The following AHNAK variants were observed in gnomAD, a reference collection of about 807,000 sequenced individuals.
AHNAK encodes AHNAK nucleoprotein.
Under a neutral mutation model 37.8 loss-of-function variants are expected in AHNAK, and 23 were observed. The observed-to-expected ratio is 0.61, with a 90% confidence interval of 0.44 to 0.86. The LOEUF is 0.86. AHNAK is among the 40% of genes least tolerant of loss of function. The pLI is 0.00. For missense variants in AHNAK, 7,411 were observed against 7,319.4 expected, an observed-to-expected ratio of 1.01 and a Z score of -0.46; for synonymous variants, 2,481 against 2,636.3, an observed-to-expected ratio of 0.94 and a Z score of 1.80.
chr11:62,457,872 CTACGCATG>C (rs1477055310), intron 5 of AHNAK, among the ~76,000 whole-genome samples: 2 of 151,852 alleles, frequency 1.3e-5, no homozygotes, highest in Non-Finnish European at 2.9e-5. Context: ...TGTGACAATC[CTACGCATG>C]TACCTCTGTA....
chr11:62,506,350 A>G (rs1378846359), intron 4 of AHNAK, among the ~76,000 whole-genome samples: 1 of 152,056 alleles, frequency 6.6e-6, no homozygotes, highest in East Asian at 1.9e-4. Flanking sequence ...CATCCCACCC[A>G]GGAGGCCAGG....
At chr11:62,501,136 CAGAAG>C (rs1939704075) in intron 4 of AHNAK, among the ~76,000 whole-genome samples, 1 of 151,578 alleles carries the variant, frequency 6.6e-6, no homozygotes, top group Admixed American at 6.6e-5. Flanking sequence ...TTCTTGAGCC[CAGAAG>C]GTGGAGTGGC....
intron 4 of AHNAK, among the ~76,000 whole-genome samples, chr11:62,534,379 T>C (rs1342064894): frequency 6.6e-6 from 1 of 152,184 alleles, no homozygotes; most frequent in Non-Finnish European, 1.5e-5. Context: ...AATCAGCCTG[T>C]GCCAGGGACA....
chr11:62,433,998 CA>C (rs1938106955), intron 5 of AHNAK: 1 of 1,417,874 alleles, frequency 7.1e-7, no homozygotes, highest in Admixed American at 2.0e-5. Context: ...AAGGTCCCCC[CA>C]CTCCTTGCTA....
Position 62,520,124 on chromosome 11 carries a change from T to C in AHNAK, c.14293A>G (p.Asn4765Asp). 1 of 1,611,128 alleles carries C rather than the reference T, an allele frequency of 6.2e-7. No homozygotes were observed. ...ADIKGPKVDI[N>D]TPDVDVHGPD... ...CCATGAACATCCACATCAGGGGTGT[T>C]GATGTCCACTTTTGGGCCCTTGATG... Residue 4765 changes from asparagine (N) to aspartate (D), a missense_variant, in exon 5 of 5, where the codon AAC (asparagine) becomes GAC (aspartate). Asn to Asp is a conservative substitution (Grantham distance 23). Transcript: ENST00000378024.
In AHNAK at chr11:62,439,664, G is replaced by GTTT. The variant is rs1565194563; in HGVS notation, c.443-5774_443-5773insAAA. 2.1e-4 allele frequency among the ~76,000 whole-genome samples: 27 copies of GTTT among 126,418 alleles called. 2 individuals carry two copies. The highest frequency in any genetic ancestry group is 4.8e-4 in the East Asian group (2 of 4,180). 82.9% of individuals were successfully genotyped at this position (126,418 alleles called of 152,430 possible). On this transcript the variant is annotated intron_variant, in intron 5 of 5. Coordinates refer to the AHNAK transcript ENST00000257247. Reference sequence around the variant, plus strand: ...TTTGGTTTGTTTTGGATTTTTGTGTGATTTTTTTTTTTTTTTTTTTTGAGA... The same window carrying GTTT: ...TTTGGTTTGTTTTGGATTTTTGTGTGTTTATTTTTTTTTTTTTTTTTTTTGAGA...
chr11:62,491,646 C>A (rs1009012661), intron 5 of AHNAK: 3 of 1,333,888 alleles, frequency 2.2e-6, no homozygotes, highest in African/African-American at 1.5e-5. Context: ...GCTTCCACAG[C>A]CCAGGCAGGC....
chr11:62,497,846 C>T (rs1939637619), intron 4 of AHNAK, among the ~76,000 whole-genome samples: 1 of 152,088 alleles, frequency 6.6e-6, no homozygotes, highest in Admixed American at 6.6e-5. Context: ...CCCCTGTAAT[C>T]CCAGCTACTC....
chr11:62,519,545 T>C lies in AHNAK; in HGVS notation c.14872A>G (p.Met4958Val), dbSNP rs1315064565. 1.1e-5 allele frequency: 18 copies of C among 1,612,038 alleles called. No individual in the cohort carries two copies. Among genetic ancestry groups the C allele is most frequent in the Non-Finnish European group, 1.5e-5 (18 of 1,179,128 alleles). ...TCGATGTTAATATCTGGGCTGTCCA[T>C]GTGTACATCTAAGCTTGGAGCTTCA... ...KVEAPSLDVH[M>V]DSPDINIEGP... is the part of the protein sequence containing the mutation. Residue 4958 changes from methionine to valine, a missense_variant, in exon 5 of 5, where the codon ATG (methionine) becomes GTG (valine). Physicochemically the swap from Met to Val is conservative, Grantham distance 21. Transcript: ENST00000378024.
In AHNAK at chr11:62,518,650, T is replaced by C. The variant is rs1310410279; in HGVS notation, c.15767A>G (p.His5256Arg). ...VKMEGGGAEVHAQLPSLEGDL... is the reference protein window; with the variant it reads ...VKMEGGGAEVRAQLPSLEGDL... Reference sequence around the variant, plus strand: ...TCCTTCAAGAGAGGGTAGCTGGGCATGGACCTCGGCTCCCCCACCCTCCAT... The same window carrying C: ...TCCTTCAAGAGAGGGTAGCTGGGCACGGACCTCGGCTCCCCCACCCTCCAT... Residue 5256 changes from histidine to arginine, a missense_variant, in exon 5 of 5, where the codon CAT (histidine) becomes CGT (arginine). Transcript: ENST00000378024. 7 of 1,614,094 alleles carry C rather than the reference T, an allele frequency of 4.3e-6. No individual in the cohort carries two copies. The highest frequency in any genetic ancestry group is 1.6e-4 in the Middle Eastern group (1 of 6,084).
rs539083462 is a variant in AHNAK, at chr11:62,538,274, G to A, written c.-99-1707C>T. On this transcript the variant is annotated intron_variant, in intron 1 of 4. Transcript: ENST00000378024. Reference sequence around the variant, plus strand: ...CCAGCTGAGCCCACCTTGGCCCACAGTGAGTTCAGGCCTCCCGGCTGCCAC... The same window carrying A: ...CCAGCTGAGCCCACCTTGGCCCACAATGAGTTCAGGCCTCCCGGCTGCCAC... 2.4e-4 allele frequency among the ~76,000 whole-genome samples: 37 copies of A among 152,326 alleles called. 1 individual carries two copies. The highest frequency in any genetic ancestry group is 7.0e-4 in the African/African-American group (29 of 41,588).
chr11:62,463,747 T>G (rs3132912), intron 5 of AHNAK, among the ~76,000 whole-genome samples: 27,322 of 151,442 alleles, frequency 0.18, 6,707 homozygotes, highest in African/African-American at 0.56. Context: ...TTGGTTGGTT[T>G]GTTTTGGGTT....
At position 62,524,432 on chromosome 11, in the gene AHNAK, T is replaced by C; in HGVS notation, c.9985A>G (p.Ile3329Val). 1.2e-6 allele frequency: 2 copies of C among 1,613,786 alleles called. No individual in the cohort carries two copies. The highest frequency in any genetic ancestry group is 2.2e-5 in the South Asian group (2 of 90,980). Residue 3329 changes from isoleucine (I) to valine (V), a missense_variant, in exon 5 of 5, where the codon ATA (isoleucine) becomes GTA (valine). Transcript: ENST00000378024. Reference protein sequence around the residue: ...EGDIKAPSLDIKGPEVDVSGP... With the variant: ...EGDIKAPSLDVKGPEVDVSGP... The stretch of plus-strand genomic sequence containing the variant: ...GAAACGTCCACTTCTGGGCCCTTTA[T>C]ATCCAAACTGGGAGCTTTAATGTCA...
chr11:62,458,167 C>T (rs555624658), intron 5 of AHNAK, among the ~76,000 whole-genome samples: 2 of 152,284 alleles, frequency 1.3e-5, no homozygotes, highest in South Asian at 2.1e-4. Context: ...ATCCACCCGC[C>T]TTGGCCTCCC....
At chr11:62,540,079 A>C (rs1164099778) in intron 1 of AHNAK, among the ~76,000 whole-genome samples, 3 of 152,122 alleles carry the variant, frequency 2.0e-5, no homozygotes, top group Non-Finnish European at 4.4e-5. Context: ...CTTTCCCTGG[A>C]GGCTGAGGGC....
At chr11:62,471,948 C>T (rs1284401650) in intron 5 of AHNAK, among the ~76,000 whole-genome samples, 2 of 152,096 alleles carry the variant, frequency 1.3e-5, no homozygotes, top group East Asian at 3.9e-4. Context: ...CCCATCTGCC[C>T]AATCCCTGGG....
intron 4 of AHNAK, among the ~76,000 whole-genome samples, chr11:62,503,883 G>A (rs572101003): frequency 6.6e-5 from 10 of 152,244 alleles, no homozygotes; most frequent in Non-Finnish European, 8.8e-5. Flanking sequence ...CCTCCAGGCC[G>A]GGCGTGGTGG....
At position 62,522,308 on chromosome 11, in the gene AHNAK, TG is replaced by T; in HGVS notation, c.12108del (p.Asp4036GlufsTer23). The T allele has an allele frequency of 6.2e-7, 1 of 1,613,094 alleles. No homozygotes were observed. Among genetic ancestry groups the T allele is most frequent in the Non-Finnish European group, 8.5e-7 (1 of 1,179,778 alleles). On this transcript the variant is annotated frameshift_variant, in exon 5 of 5. Coordinates refer to ENST00000378024, the MANE Select transcript of AHNAK (RefSeq NM_001620.3). LOFTEE classifies it low-confidence loss of function (END_TRUNC). Reference sequence around the variant, plus strand: ...TCAATGTCCACTTTGGGGCCCTTGATGTCAACTTCAGGGGCCTTTAGATCAC... The same window carrying T: ...TCAATGTCCACTTTGGGGCCCTTGATTCAACTTCAGGGGCCTTTAGATCAC... ...MEGDLKAPEVDIKGPKVDIDA... is the reference protein window; with the variant it reads ...MEGDLKAPEVXIKGPKVDIDA...
rs779638851 is a variant in AHNAK, at chr11:62,532,771, T to C, written c.1646A>G (p.Glu549Gly). Residue 549 changes from glutamate (E) to glycine (G), a missense_variant, in exon 5 of 5, where the codon GAG (glutamate) becomes GGG (glycine). Physicochemically the swap from Glu to Gly is moderately conservative, Grantham distance 98. Transcript: ENST00000378024. ...SRVDIETPNL[E>G]GTLTGPRLGS... is the part of the protein sequence containing the mutation. ...AAGCCTAGGGCCTGTCAAGGTTCCC[T>C]CTAGGTTTGGTGTCTCTATGTCCAC... is the stretch of plus-strand genomic sequence containing the variant. 6.2e-7 allele frequency: 1 copy of C among 1,614,186 alleles called. No homozygotes were observed.
Sources: allele counts gnomAD v4.1 joint callset (sites outside exome capture counted in the v4.1 genomes callset), GRCh38; gene constraint gnomAD v4.1.1; transcripts MANE v1.5; gene names NCBI Gene and HGNC (gene_info 2026-07-23, HGNC 2026-07-21).